Variants in SHC4 observed in about 807,000 individuals in gnomAD.
The protein encoded by SHC4 is SHC-transforming protein 4.
Under a neutral mutation model 69.4 loss-of-function variants are expected in SHC4, and 41 were observed. That is an observed-to-expected ratio of 0.59 (90% CI 0.46 to 0.77). SHC4 has a LOEUF of 0.77. Among genes scored for constraint, SHC4 ranks in the 30% least tolerant of loss-of-function variants. The pLI is 0.00. For missense variants in SHC4, 777 were observed against 783.8 expected, an observed-to-expected ratio of 0.99 and a Z score of 0.10; for synonymous variants, 318 against 299.3, an observed-to-expected ratio of 1.06 and a Z score of -0.64.
At chr15:48,908,221 A>AT (rs1784105353) in intron 2 of SHC4, among the ~76,000 whole-genome samples, 1 of 151,864 alleles carries the variant, frequency 6.6e-6, no homozygotes, top group African/African-American at 2.4e-5. Context: ...CTGTTTTTTG[A>AT]TTTTTTGATT....
chr15:48,876,930 A>G (rs1046146352), intron 4 of SHC4: 1 of 175,062 alleles, frequency 5.7e-6, no homozygotes, highest in Non-Finnish European at 1.2e-5. Context: ...CAAAAGACGG[A>G]ATGGATCTGT....
intron 10 of SHC4, among the ~76,000 whole-genome samples, chr15:48,837,113 T>C (rs1022504998): frequency 6.6e-6 from 1 of 152,216 alleles, no homozygotes; most frequent in Non-Finnish European, 1.5e-5. Flanking sequence ...TAATGCGTGA[T>C]GGCTTTTGGT....
At chr15:48,901,466 T>A (rs1900316929) in intron 2 of SHC4, among the ~76,000 whole-genome samples, 2 of 152,236 alleles carry the variant, frequency 1.3e-5, no homozygotes, top group African/African-American at 4.8e-5. Context: ...CTGTAAATTA[T>A]TGTTTTTCCA....
intron 9 of SHC4, among the ~76,000 whole-genome samples, chr15:48,849,141 C>T (rs774877094): frequency 9.2e-5 from 14 of 152,160 alleles, no homozygotes; most frequent in Non-Finnish European, 1.9e-4. Context: ...TCTCTCTTTA[C>T]TTCTGAGCTC....
intron 2 of SHC4, among the ~76,000 whole-genome samples, chr15:48,895,729 A>G (rs368646305): frequency 6.6e-6 from 1 of 152,352 alleles, no homozygotes; most frequent in East Asian, 1.9e-4. Context: ...ATCTCTTGAT[A>G]TACAAAACTC....
Position 48,824,637 on chromosome 15 carries a change from T to C in SHC4, c.*1334A>G, listed in dbSNP as rs1040152979. 1.3e-5 allele frequency: 2 copies of C among 152,172 alleles called. No homozygotes were observed. Among genetic ancestry groups the C allele is most frequent in the African/African-American group, 2.4e-5 (1 of 41,442 alleles). The allele number at this position is 152,172 out of a possible 1,614,324, so 9.4% of individuals were successfully genotyped here. The stretch of plus-strand genomic sequence containing the variant: ...GACTATAGAAGAAAAGCTTAATTTT[T>C]TACCTTAACTATACAGACTGGTTAT... On this transcript the variant is annotated 3_prime_UTR_variant, in exon 12 of 12. Coordinates refer to ENST00000332408, the MANE Select transcript of SHC4 (RefSeq NM_203349.4).
intron 10 of SHC4, among the ~76,000 whole-genome samples, chr15:48,837,170 T>C (rs1433128002): frequency 2.6e-5 from 4 of 152,106 alleles, no homozygotes; most frequent in South Asian, 2.1e-4. Context: ...GACAAAACAA[T>C]AGAAAAAGAG....
At chr15:48,897,301 C>T (rs1340361318) in intron 2 of SHC4, among the ~76,000 whole-genome samples, 1 of 152,116 alleles carries the variant, frequency 6.6e-6, no homozygotes, top group Non-Finnish European at 1.5e-5. Flanking sequence ...AATGAGAATG[C>T]CGTGGAAGAT....
intron 1 of SHC4, among the ~76,000 whole-genome samples, chr15:48,935,334 A>ACC (rs1901047433): frequency 6.6e-6 from 1 of 152,130 alleles, no homozygotes; most frequent in Admixed American, 6.6e-5. Flanking sequence ...GGTTGCAGTC[A>ACC]CCCTGTGGTG....
intron 11 of SHC4, among the ~76,000 whole-genome samples, chr15:48,829,575 G>T (rs543682876): frequency 6.6e-6 from 1 of 152,218 alleles, no homozygotes; most frequent in African/African-American, 2.4e-5. Context: ...CATTTTCATG[G>T]AATATCTTTT....
At chr15:48,842,756 C>T (rs781689295) in intron 10 of SHC4, among the ~76,000 whole-genome samples, 1 of 152,062 alleles carries the variant, frequency 6.6e-6, no homozygotes, top group Non-Finnish European at 1.5e-5. Flanking sequence ...CAAGATGACA[C>T]CCTGTGTTTA....
rs758546376 is a variant in SHC4 at position 48,826,029 on chromosome 15, C to T, written c.1835G>A (p.Ser612Asn). Residue 612 changes from serine (S) to asparagine (N), a missense_variant, in exon 12 of 12, where the codon AGC becomes AAC. Transcript: ENST00000332408. The stretch of plus-strand genomic sequence containing the variant: ...ATCTTTTCTCACTGGTTGTTTAAGG[C>T]TTACTTCGCTTCCAGAGGAGATGAT... The part of the protein sequence containing the change: ...LPIISSGSEV[S>N]LKQPVRKDNN... The T allele has an allele frequency of 1.9e-5, 30 of 1,613,962 alleles. 1 individual carries two copies. The Admixed American group carries it at 4.8e-4, about 26-fold the overall frequency.
intron 2 of SHC4, among the ~76,000 whole-genome samples, chr15:48,900,153 A>G (rs1004088810): frequency 2.0e-5 from 3 of 152,278 alleles, no homozygotes; most frequent in Middle Eastern, 3.4e-3. Context: ...ATTCTGGGAT[A>G]GATATTTGGT....
intron 1 of SHC4, among the ~76,000 whole-genome samples, chr15:48,933,402 C>T (rs1441436904): frequency 1.3e-5 from 2 of 152,060 alleles, no homozygotes; most frequent in African/African-American, 4.8e-5. Context: ...AACTGAAAAA[C>T]ATTGTTGAAG....
In SHC4 at chr15:48,824,425, A is replaced by AT. The variant is rs397700136; in HGVS notation, c.*1545_*1546insA. On this transcript the variant is annotated 3_prime_UTR_variant, in exon 12 of 12. Transcript: ENST00000332408. ...AGATAACTCAAGATTAAAAAAAAAA[A>AT]CAAAAAACATTTTTCTTGGAAAGGC... 4 of 151,924 alleles carry AT rather than the reference A, an allele frequency of 2.6e-5. No homozygotes were observed. The highest frequency in any genetic ancestry group is 2.6e-4 in the Admixed American group (4 of 15,250). 9.4% of individuals were successfully genotyped at this position (151,924 alleles called of 1,614,324 possible). A position where few individuals can be genotyped will look rare whatever the true frequency, so the allele number is the denominator to read the frequency against.
chr15:48,958,840 A>G (rs950592538), intron 1 of SHC4, among the ~76,000 whole-genome samples: 1 of 152,226 alleles, frequency 6.6e-6, no homozygotes, highest in East Asian at 1.9e-4. Flanking sequence ...ACACCATTTA[A>G]TGGGCTTTGC....
intron 1 of SHC4, chr15:48,938,204 T>C (rs181143703): frequency 4.3e-4 from 66 of 152,350 alleles, no homozygotes; most frequent in African/African-American, 1.5e-3. Context: ...TAAGATGTTT[T>C]GTAATAGCAA....
chr15:48,863,522 T>C (rs1233910937), intron 6 of SHC4, among the ~76,000 whole-genome samples: 2 of 152,244 alleles, frequency 1.3e-5, no homozygotes, highest in East Asian at 3.8e-4. Context: ...AAATGATCTA[T>C]ATTGCTTAAT....
At chr15:48,847,640 A>G (rs1899117575) in intron 9 of SHC4, among the ~76,000 whole-genome samples, 1 of 152,218 alleles carries the variant, frequency 6.6e-6, no homozygotes, top group East Asian at 1.9e-4. Flanking sequence ...CAAAAACTAC[A>G]TATTTGCTAT....
Sources: gnomAD v4.1 joint callset for allele counts (sites outside exome capture counted in the v4.1 genomes callset) on GRCh38, gnomAD v4.1.1 for gene constraint, MANE v1.5 for transcripts, NCBI Gene and HGNC (gene_info 2026-07-23, HGNC 2026-07-21) for gene names.